The following XPNPEP3 variants were observed in gnomAD, a reference collection of about 807,000 sequenced individuals.
XPNPEP3 encodes the protein xaa-Pro aminopeptidase 3.
A neutral mutation model predicts 60.0 loss-of-function variants in XPNPEP3; 41 were observed. The observed-to-expected ratio is 0.68, with a 90% CI of 0.53 to 0.89. The LOEUF (loss-of-function observed/expected upper bound fraction) is 0.89. XPNPEP3 is among the 40% of genes least tolerant of loss of function. The probability of loss-of-function intolerance (pLI) is 0.00; values close to 1 mark genes in which losing one functional copy is unlikely to be tolerated. For missense variants in XPNPEP3, 598 were observed against 638.9 expected, an observed-to-expected ratio of 0.94 and a Z score of 0.69; for synonymous variants, 212 against 223.2, an observed-to-expected ratio of 0.95 and a Z score of 0.45.
chr22:40,875,404 AT>A (rs2058024188), intron 2 of XPNPEP3, among the ~76,000 whole-genome samples: 1 of 152,166 alleles, frequency 6.6e-6, no homozygotes, highest in South Asian at 2.1e-4. Context: ...ATTTTTTTAA[AT>A]CACTGTATTC....
At position 40,932,458 on chromosome 22, in the gene XPNPEP3, A is replaced by G. The variant is rs1488266174; in HGVS notation, c.*6023A>G. The G allele has an allele frequency of 1.3e-5, 2 of 152,130 alleles. No homozygotes were observed. Among genetic ancestry groups the G allele is most frequent in the Non-Finnish European group, 2.9e-5 (2 of 68,044 alleles). 9.4% of individuals were successfully genotyped at this position (152,130 alleles called of 1,614,324 possible). On this transcript the variant is annotated 3_prime_UTR_variant, in exon 10 of 10. Coordinates refer to ENST00000357137, the MANE Select transcript of XPNPEP3 (RefSeq NM_022098.4). ...TCCTAATGAAAAGATGAATGAATGC[A>G]TCATTAAACCTTAACAGTAGAGCAG... is the stretch of plus-strand genomic sequence containing the variant.
intron 2 of XPNPEP3, among the ~76,000 whole-genome samples, chr22:40,881,396 C>T (rs1004350187): frequency 6.7e-6 from 1 of 149,096 alleles, no homozygotes; most frequent in Non-Finnish European, 1.5e-5. Context: ...GCAGAGGTTT[C>T]AGTGAGCCGA....
Position 40,931,249 on chromosome 22 carries a change from C to T in XPNPEP3, c.*4814C>T, listed in dbSNP as rs571254885. Reference sequence around the variant, plus strand: ...CTCAAATGTTACTACTGGAATTTTTCTCCCTGAATTGAAGATACATGGTTA... The same window carrying T: ...CTCAAATGTTACTACTGGAATTTTTTTCCCTGAATTGAAGATACATGGTTA... On this transcript the variant is annotated 3_prime_UTR_variant, in exon 10 of 10. Transcript: ENST00000357137. The T allele has an allele frequency of 3.9e-5, 6 of 152,274 alleles. No homozygotes were observed. Among genetic ancestry groups the T allele is most frequent in the Middle Eastern group, 6.8e-3 (2 of 294 alleles). 9.4% of individuals were successfully genotyped at this position (152,274 alleles called of 1,614,324 possible). A position where few individuals can be genotyped will look rare whatever the true frequency, so the allele number is the denominator to read the frequency against.
chr22:40,896,124 G>C (rs1381317077), intron 4 of XPNPEP3, among the ~76,000 whole-genome samples: 2 of 152,144 alleles, frequency 1.3e-5, no homozygotes, highest in Non-Finnish European at 2.9e-5. Flanking sequence ...TTTATAGTCT[G>C]AGGAGTTTAA....
In XPNPEP3 at chr22:40,926,447, GC is replaced by G; in HGVS notation, c.*15del. The G allele has an allele frequency of 2.5e-6, 4 of 1,613,992 alleles. No individual in the cohort carries two copies. Among genetic ancestry groups the G allele is most frequent in the Non-Finnish European group, 3.4e-6 (4 of 1,180,028 alleles). On this transcript the variant is annotated 3_prime_UTR_variant, in exon 10 of 10. Transcript: ENST00000357137. ...GCCAGGCTTCTTGACCTTCACTGCG[GC>G]CCACATGCACCTCAGGTTCAAAATG...
chr22:40,918,746 G>C (rs1407980664), intron 7 of XPNPEP3, among the ~76,000 whole-genome samples: 2 of 150,334 alleles, frequency 1.3e-5, no homozygotes, highest in African/African-American at 4.9e-5. Context: ...GGGACCTATA[G>C]AAGGGTATTC....
chr22:40,870,135 G>T, intron 2 of XPNPEP3: 1 of 469,860 alleles, frequency 2.1e-6, no homozygotes, highest in Non-Finnish European at 4.4e-6. Context: ...TTTCAAAGCT[G>T]TAAGGTAAGC....
chr22:40,865,248 G>A (rs1242840041), intron 1 of XPNPEP3, among the ~76,000 whole-genome samples: 1 of 150,996 alleles, frequency 6.6e-6, no homozygotes, highest in Admixed American at 6.6e-5. Flanking sequence ...TCCAGTGATT[G>A]ATGTTACCAT....
At chr22:40,860,477 C>A in intron 1 of XPNPEP3, 1 of 420,668 alleles carries the variant, frequency 2.4e-6, no homozygotes, top group South Asian at 8.6e-5. Flanking sequence ...TGGAAAACAG[C>A]CATTTCATGA....
intron 6 of XPNPEP3, among the ~76,000 whole-genome samples, chr22:40,911,245 C>T (rs1030777563): frequency 6.6e-6 from 1 of 151,996 alleles, no homozygotes; most frequent in African/African-American, 2.4e-5. Flanking sequence ...ATCTTTAGCA[C>T]TATTCATTTC....
At chr22:40,915,099 T>G (rs1402799344) in intron 7 of XPNPEP3, among the ~76,000 whole-genome samples, 1 of 142,766 alleles carries the variant, frequency 7.0e-6, no homozygotes, top group Non-Finnish European at 1.5e-5. Context: ...GCACCCAGGC[T>G]GGAGTGCAGT....
intron 3 of XPNPEP3, among the ~76,000 whole-genome samples, chr22:40,884,407 G>A (rs2058060333): frequency 6.7e-6 from 1 of 149,470 alleles, no homozygotes; most frequent in African/African-American, 2.5e-5. Flanking sequence ...TCGGCTCACT[G>A]CAACTCCTGC....
chr22:40,920,393 C>T (rs1170049427), intron 7 of XPNPEP3, among the ~76,000 whole-genome samples: 3 of 151,934 alleles, frequency 2.0e-5, no homozygotes, highest in Non-Finnish European at 4.4e-5. Context: ...AAGAAATGAA[C>T]ATGAGGAGGC....
At chr22:40,887,766 A>C (rs2058074897) in intron 4 of XPNPEP3, among the ~76,000 whole-genome samples, 1 of 152,036 alleles carries the variant, frequency 6.6e-6, no homozygotes, top group Non-Finnish European at 1.5e-5. Flanking sequence ...TTTTTTGGTC[A>C]CATAATCATA....
chr22:40,905,363 G>A (rs1470609172), intron 4 of XPNPEP3, among the ~76,000 whole-genome samples: 1 of 152,158 alleles, frequency 6.6e-6, no homozygotes, highest in African/African-American at 2.4e-5. Flanking sequence ...ACAGGCATGA[G>A]CCACCACACC....
intron 4 of XPNPEP3, among the ~76,000 whole-genome samples, chr22:40,902,346 G>T (rs1238651836): frequency 2.0e-5 from 3 of 149,210 alleles, no homozygotes; most frequent in Non-Finnish European, 4.4e-5. Context: ...CACCTCCCGG[G>T]TTCACGCCAT....
chr22:40,886,849 A>G (rs1205083674), intron 4 of XPNPEP3, among the ~76,000 whole-genome samples: 2 of 151,732 alleles, frequency 1.3e-5, no homozygotes, highest in Admixed American at 6.6e-5. Context: ...AAAAACAAGA[A>G]AAAAAGAAAA....
In XPNPEP3 at chr22:40,926,905, T is replaced by C; in HGVS notation, c.*470T>C. 1 of 242,508 alleles carries C rather than the reference T, an allele frequency of 4.1e-6. No homozygotes were observed. Among genetic ancestry groups the C allele is most frequent in the Admixed American group, 5.2e-5 (1 of 19,184 alleles). 15.0% of individuals were successfully genotyped at this position (242,508 alleles called of 1,614,324 possible). On this transcript the variant is annotated 3_prime_UTR_variant, in exon 10 of 10. Coordinates refer to ENST00000357137, the MANE Select transcript of XPNPEP3 (RefSeq NM_022098.4). ...GCCTATGCAAAAATTCATCTTTCGG[T>C]GATTGTGGGCGGCCAATACATACCT...
At chr22:40,914,170 A>G in intron 6 of XPNPEP3, 69 bp from the exon 7 acceptor site, 5 of 1,337,866 alleles carry the variant, frequency 3.7e-6, no homozygotes, top group Non-Finnish European at 5.4e-6. Context: ...AGAAAGGCAT[A>G]CTTTGGATTA....
Sources: allele counts gnomAD v4.1 joint callset (sites outside exome capture counted in the v4.1 genomes callset), GRCh38; gene constraint gnomAD v4.1.1; transcripts MANE v1.5; gene names NCBI Gene and HGNC (gene_info 2026-07-23, HGNC 2026-07-21).